CACNA2D4: variants seen among roughly 807,000 people sequenced by gnomAD.
CACNA2D4 encodes the protein calcium voltage-gated channel auxiliary subunit alpha2delta 4.
A neutral mutation model predicts 163.8 loss-of-function variants in CACNA2D4; 157 were observed. The ratio of observed to expected loss-of-function variants is 0.96; its 90% CI spans 0.84 to 1.09. The LOEUF is 1.09. CACNA2D4 is among the 50% of genes least tolerant of loss of function. The pLI is 0.00. For missense variants in CACNA2D4, 1,410 were observed against 1,479.9 expected (o/e 0.95, Z 0.78); for synonymous variants, 598 against 586.9 (o/e 1.02, Z -0.27).
chr12:1,823,433 T>C (rs1029707336), intron 26 of CACNA2D4, among the ~76,000 whole-genome samples: 1 of 152,106 alleles, frequency 6.6e-6, no homozygotes, highest in Non-Finnish European at 1.5e-5. Flanking sequence ...TGTTCCGTGC[T>C]CTGAGGGGGC....
chr12:1,896,431 GCAAAAGACATGAATAGACATTTCT>G (rs1156863605), intron 6 of CACNA2D4, among the ~76,000 whole-genome samples: 14 of 152,054 alleles, frequency 9.2e-5, no homozygotes, highest in South Asian at 8.3e-4. Context: ...TGAAATGTGG[GCAAAAGACATGAATAGACATTTCT>G]CAAAAGACAT....
At chr12:1,915,265 G>A (rs1274562591) in intron 1 of CACNA2D4, 3 of 702,628 alleles carry the variant, frequency 4.3e-6, no homozygotes, top group Non-Finnish European at 7.8e-6. Flanking sequence ...TCAGGACCCA[G>A]CGGCTGCACT....
chr12:1,909,272 A>G (rs993331357), intron 4 of CACNA2D4, among the ~76,000 whole-genome samples: 2 of 152,292 alleles, frequency 1.3e-5, no homozygotes, highest in South Asian at 4.1e-4. Context: ...GCTCACTGCA[A>G]GCTCCGCCTC....
At chr12:1,907,851 G>A in intron 5 of CACNA2D4, 24 bp downstream of exon 5, 3 of 1,613,468 alleles carry the variant, frequency 1.9e-6, no homozygotes, top group Non-Finnish European at 2.5e-6. Context: ...TGGTGAGTGT[G>A]CCTGAGCTGA....
At chr12:1,902,296 C>G (rs537825191) in intron 6 of CACNA2D4, among the ~76,000 whole-genome samples, 2 of 152,154 alleles carry the variant, frequency 1.3e-5, no homozygotes, top group African/African-American at 4.8e-5. Context: ...CCTCTAAGAT[C>G]TGGAACAAGA....
chr12:1,797,478 A>C lies in CACNA2D4; in HGVS notation c.3053T>G (p.Phe1018Cys), dbSNP rs200558110. The part of the protein sequence containing the change: ...LQPCDTEYPV[F>C]VYQPAIREAN... ...CTCCCGGATGGCCGGCTGGTACACG[A>C]ACACGGGGTACTCCGTGTCGCAGGG... Residue 1018 changes from phenylalanine (F) to cysteine (C), a missense_variant, in exon 35 of 38, where the codon TTC becomes TGC. By Grantham distance (205) the Phe-to-Cys change is radical (BLOSUM62 -2). Coordinates refer to ENST00000382722, the MANE Select transcript of CACNA2D4 (RefSeq NM_172364.5). 1 of 1,586,444 alleles carries C rather than the reference A, an allele frequency of 6.3e-7. No homozygotes were observed. The highest frequency in any genetic ancestry group is 8.6e-7 in the Non-Finnish European group (1 of 1,168,762).
At position 1,879,845 on chromosome 12, in the gene CACNA2D4, T is replaced by C. The variant is rs1865956805; in HGVS notation, c.1522A>G (p.Thr508Ala). 1 of 1,603,392 alleles carries C rather than the reference T, an allele frequency of 6.2e-7. No homozygotes were observed. Among genetic ancestry groups the C allele is most frequent in the Non-Finnish European group, 8.5e-7 (1 of 1,175,146 alleles). Residue 508 changes from threonine (T) to alanine (A), a missense_variant, in exon 14 of 38, where the codon ACC (threonine) becomes GCC (alanine). Coordinates refer to ENST00000382722, the MANE Select transcript of CACNA2D4 (RefSeq NM_172364.5). ...CTGAAGACTGGCATGGCCACAGTGGTGAGCAGTGTCAGGCTCTGAGCCTGC... is the reference window on the plus strand; with the variant it reads ...CTGAAGACTGGCATGGCCACAGTGGCGAGCAGTGTCAGGCTCTGAGCCTGC... ...SSQAQSLTLL[T>A]TVAMPVFSKK...
At chr12:1,830,312 T>C (rs1367088841) in intron 26 of CACNA2D4, among the ~76,000 whole-genome samples, 1 of 152,182 alleles carries the variant, frequency 6.6e-6, no homozygotes, top group Non-Finnish European at 1.5e-5. Flanking sequence ...GGCGTCATCA[T>C]GGGTGTGGGA....
chr12:1,793,478 T>A lies in CACNA2D4; in HGVS notation c.*177A>T. ...GCATCTTGAAAGTGGTGCCAGGTGA[T>A]TGGTTTCCTGTTCCATCCAGCATTC... is the stretch of plus-strand genomic sequence containing the variant. On this transcript the variant is annotated 3_prime_UTR_variant, in exon 38 of 38. Transcript: ENST00000382722. 1 of 644,818 alleles carries A rather than the reference T, an allele frequency of 1.6e-6. No individual in the cohort carries two copies. Among genetic ancestry groups the A allele is most frequent in the Non-Finnish European group, 2.8e-6 (1 of 352,010 alleles). 39.9% of individuals were successfully genotyped at this position (644,818 alleles called of 1,614,324 possible). A position where few individuals can be genotyped will look rare whatever the true frequency, so the allele number is the denominator to read the frequency against.
rs12371387 is a variant in CACNA2D4, at chr12:1,880,569, A to G, written c.1486-688T>C. On this transcript the variant is annotated intron_variant, in intron 13 of 37. Transcript: ENST00000382722. ...CTCTGCATGTGTGCCCCACTTTATA[A>G]CAAAAGTAGGCTTCTGACAAGCATG... Among the ~76,000 whole-genome samples the G allele has an allele frequency of 9.7e-3, 1,478 of 152,348 alleles. 14 individuals are homozygous for G. The highest frequency in any genetic ancestry group is 0.014 in the Non-Finnish European group (977 of 68,022).
intron 18 of CACNA2D4, among the ~76,000 whole-genome samples, chr12:1,863,233 G>C (rs1185725922): frequency 6.6e-6 from 1 of 152,174 alleles, no homozygotes; most frequent in Non-Finnish European, 1.5e-5. Flanking sequence ...AAAATCAATT[G>C]ATAATATATG....
At chr12:1,801,829 T>G (rs1478918367) in intron 29 of CACNA2D4, among the ~76,000 whole-genome samples, 185 bp from the exon 30 acceptor site, 1 of 152,012 alleles carries the variant, frequency 6.6e-6, no homozygotes, top group African/African-American at 2.4e-5. Context: ...CGGTCCTGGC[T>G]CCCTCCTCAC....
rs1269860294 is a variant in CACNA2D4, at chr12:1,883,006, G to T, written c.1352-6C>A. 11 of 1,611,662 alleles carry T rather than the reference G, an allele frequency of 6.8e-6. No homozygotes were observed. Among genetic ancestry groups the T allele is most frequent in the Non-Finnish European group, 9.3e-6 (11 of 1,179,030 alleles). On this transcript the variant is annotated splice_polypyrimidine_tract_variant and splice_region_variant and intron_variant, in intron 12 of 37. Transcript: ENST00000382722. The surrounding 1 kb of genome is among the most constrained non-coding windows in gnomAD (Gnocchi z 4.5). ...TGAGATCTGCGTGTAGTAGCCTGCG[G>T]TGGGGAAGGCCGCGTGGGTGTGGAA...
chr12:1,836,608 C>A (rs746205791), intron 26 of CACNA2D4: 1 of 152,460 alleles, frequency 6.6e-6, no homozygotes, highest in Non-Finnish European at 1.5e-5. Flanking sequence ...GGTACCAGAT[C>A]TGGGGATTTT....
At chr12:1,797,749 G>A (rs1226050486) in intron 34 of CACNA2D4, 9 of 597,796 alleles carry the variant, frequency 1.5e-5, no homozygotes, top group Admixed American at 8.9e-5. Context: ...CACGGGGAGC[G>A]CCGCAGGGGC....
chr12:1,884,182 G>T (rs1227916037), intron 12 of CACNA2D4, 61 bp downstream of exon 12: 2 of 1,496,464 alleles, frequency 1.3e-6, no homozygotes, highest in South Asian at 1.2e-5. Context: ...TCCAGGGCTG[G>T]GTAACCCTGT....
intron 16 of CACNA2D4, among the ~76,000 whole-genome samples, chr12:1,876,638 T>A (rs1865888845): frequency 6.6e-6 from 1 of 152,198 alleles, no homozygotes; most frequent in Non-Finnish European, 1.5e-5. Context: ...CGGGGAAGTG[T>A]CGTGCTGATT....
chr12:1,842,202 C>T (rs1274496337), intron 25 of CACNA2D4, among the ~76,000 whole-genome samples: 7 of 152,144 alleles, frequency 4.6e-5, no homozygotes, highest in African/African-American at 1.2e-4. Context: ...ATGATCAGGG[C>T]GTGGAGTGCA....
rs1264440461 is a variant in CACNA2D4, at chr12:1,840,834, A to G, written c.2471-15T>C. On this transcript the variant is annotated splice_polypyrimidine_tract_variant and intron_variant, in intron 25 of 37. Coordinates refer to ENST00000382722, the MANE Select transcript of CACNA2D4 (RefSeq NM_172364.5). ...ACCCGCACTTTCTGGGGAAACAGAG[A>G]CAACCCAGTCATGGGGAAGAGCTGT... is the stretch of plus-strand genomic sequence containing the variant. The G allele has an allele frequency of 1.5e-5, 23 of 1,501,574 alleles. No homozygotes were observed. The highest frequency in any genetic ancestry group is 1.9e-5 in the Non-Finnish European group (22 of 1,133,310). The allele number at this position is 1,501,574 out of a possible 1,614,324, so 93.0% of individuals were successfully genotyped here. A position where few individuals can be genotyped will look rare whatever the true frequency, so the allele number is the denominator to read the frequency against.
Sources: gnomAD v4.1 joint callset for allele counts (sites outside exome capture counted in the v4.1 genomes callset) on GRCh38, gnomAD v4.1.1 for gene constraint, Gnocchi (gnomAD v3.1) non-coding constraint, MANE v1.5 for transcripts, NCBI Gene and HGNC (gene_info 2026-07-23, HGNC 2026-07-21) for gene names.